SRFBP1: variants seen among roughly 807,000 people sequenced by gnomAD.
The protein encoded by SRFBP1 is serum response factor-binding protein 1.
Under a neutral mutation model 45.5 loss-of-function variants are expected in SRFBP1, and 47 were observed. The ratio of observed to expected loss-of-function variants is 1.03; its 90% CI spans 0.82 to 1.32. The LOEUF (loss-of-function observed/expected upper bound fraction) is 1.32. Among genes scored for constraint, SRFBP1 ranks in the 40% most tolerant of loss-of-function variants. The pLI is 0.00. For missense variants in SRFBP1, 621 were observed against 484.6 expected (o/e 1.28, Z -2.64); for synonymous variants, 203 against 166.3 (o/e 1.22, Z -1.70).
chr5:122,060,434 A>G (rs929096500), intron 2 of SRFBP1, among the ~76,000 whole-genome samples: 2 of 152,056 alleles, frequency 1.3e-5, no homozygotes, highest in Non-Finnish European at 2.9e-5. Flanking sequence ...CACATAAGCC[A>G]AAATGCAGTC....
intron 1 of SRFBP1, among the ~76,000 whole-genome samples, chr5:121,971,626 G>T (rs1208055846): frequency 6.6e-6 from 1 of 151,916 alleles, no homozygotes; most frequent in Admixed American, 6.6e-5. Flanking sequence ...TTGTTTAGGT[G>T]GCAAATTAAA....
chr5:121,993,482 A>G (rs1179295158), intron 3 of SRFBP1, among the ~76,000 whole-genome samples: 1 of 152,122 alleles, frequency 6.6e-6, no homozygotes, highest in African/African-American at 2.4e-5. Context: ...GATTTTTTGA[A>G]TTTATCATAG....
intron 4 of SRFBP1, among the ~76,000 whole-genome samples, chr5:122,015,470 C>T (rs1753177002): frequency 6.6e-6 from 1 of 152,152 alleles, no homozygotes; most frequent in African/African-American, 2.4e-5. Context: ...TAATTTAGAG[C>T]AGGCATCACG....
chr5:122,042,405 T>C (rs2112731595), intron 2 of SRFBP1, among the ~76,000 whole-genome samples: 1 of 152,238 alleles, frequency 6.6e-6, no homozygotes, highest in East Asian at 1.9e-4. Context: ...TAGCTGTGAC[T>C]ACAGATACAT....
rs183486861 is a variant in SRFBP1 at position 122,036,594 on chromosome 5, C to T, written n.311+14187C>T. ...CTCTGGGAGGCTAGAGATGGAGTAG[C>T]TGAGTTCAGTCCTGTAAGTGATTTA... On this transcript the variant is annotated intron_variant and non_coding_transcript_variant, in intron 2 of 2. Transcript: ENST00000504881. Among the ~76,000 whole-genome samples the T allele has an allele frequency of 2.9e-3, 447 of 152,274 alleles. 2 individuals carry two copies. The highest frequency in any genetic ancestry group is 0.01 in the African/African-American group (421 of 41,562).
downstream of SRFBP1, chr5:122,076,958 G>A: frequency 6.2e-7 from 1 of 1,613,862 alleles, no homozygotes; most frequent in Non-Finnish European, 8.5e-7. Context: ...GCACGTACGT[G>A]GACGCCTGGA....
intron 3 of SRFBP1, among the ~76,000 whole-genome samples, chr5:121,979,814 C>T (rs1311960592): frequency 6.6e-6 from 1 of 152,090 alleles, no homozygotes; most frequent in Non-Finnish European, 1.5e-5. Context: ...TATCAGAGAG[C>T]GTTTACATTT....
chr5:122,001,391 T>C (rs1752864651), intron 4 of SRFBP1, among the ~76,000 whole-genome samples: 1 of 148,918 alleles, frequency 6.7e-6, no homozygotes, highest in South Asian at 2.1e-4. Flanking sequence ...TATTTTTATT[T>C]TTTATTTTTT....
At chr5:122,049,307 A>G (rs964695993) in intron 2 of SRFBP1, among the ~76,000 whole-genome samples, 3 of 152,198 alleles carry the variant, frequency 2.0e-5, no homozygotes, top group Admixed American at 1.3e-4. Flanking sequence ...AAAGGGATCA[A>G]TTCAACAAGA....
chr5:122,052,708 A>T (rs368463066), intron 2 of SRFBP1, among the ~76,000 whole-genome samples: 1 of 152,146 alleles, frequency 6.6e-6, no homozygotes, highest in Non-Finnish European at 1.5e-5. Context: ...CTCAACCTCA[A>T]TGATCTTCAT....
chr5:122,039,252 T>C (rs1411226467), intron 2 of SRFBP1, among the ~76,000 whole-genome samples: 1 of 152,164 alleles, frequency 6.6e-6, no homozygotes. Context: ...ACCTGGTGTT[T>C]AAGAAGGTAT....
chr5:122,074,912 C>T (rs867377885), intron 2 of SRFBP1, among the ~76,000 whole-genome samples: 1 of 152,116 alleles, frequency 6.6e-6, no homozygotes, highest in East Asian at 1.9e-4. Context: ...ATGCAAAAAT[C>T]CTTAAATTTA....
At chr5:121,991,702 T>C (rs1330861783) in intron 3 of SRFBP1, among the ~76,000 whole-genome samples, 2 of 152,186 alleles carry the variant, frequency 1.3e-5, no homozygotes, top group Non-Finnish European at 2.9e-5. Context: ...AGTTTCTCAT[T>C]GTTTACTTAA....
chr5:122,064,478 T>G (rs1215314508), intron 2 of SRFBP1: 1 of 151,664 alleles, frequency 6.6e-6, no homozygotes, highest in Non-Finnish European at 1.5e-5. Context: ...AACCAAATAG[T>G]AGGTGTTATA....
intron 4 of SRFBP1, among the ~76,000 whole-genome samples, chr5:122,007,180 G>A (rs1012669983): frequency 6.6e-6 from 1 of 152,034 alleles, no homozygotes; most frequent in African/African-American, 2.4e-5. Context: ...ATATGGGCTG[G>A]CCTGGCATCT....
chr5:122,016,472 G>A (rs1753195794), intron 4 of SRFBP1, among the ~76,000 whole-genome samples: 1 of 152,120 alleles, frequency 6.6e-6, no homozygotes, highest in African/African-American at 2.4e-5. Context: ...ATTGTGATCT[G>A]TGCGTCTTTT....
At chr5:121,975,168 G>C in intron 2 of SRFBP1, 147 bp from the exon 3 acceptor site, 1 of 782,978 alleles carries the variant, frequency 1.3e-6, no homozygotes, top group Non-Finnish European at 2.0e-6. Flanking sequence ...TTGGGAGTGG[G>C]GGAAATGGAC....
At chr5:122,029,357 G>A (rs1313850597), downstream of SRFBP1, among the ~76,000 whole-genome samples, 1 of 152,124 alleles carries the variant, frequency 6.6e-6, no homozygotes, top group Non-Finnish European at 1.5e-5. Context: ...TGGCTGGTCA[G>A]AACACAAACT....
At chr5:122,042,937 A>G (rs569324712) in intron 2 of SRFBP1, among the ~76,000 whole-genome samples, 1 of 152,180 alleles carries the variant, frequency 6.6e-6, no homozygotes, top group South Asian at 2.1e-4. Context: ...CACCACTCTT[A>G]TCTTGCATGC....
Sources: allele counts gnomAD v4.1 joint callset (sites outside exome capture counted in the v4.1 genomes callset), GRCh38; gene constraint gnomAD v4.1.1; transcripts MANE v1.5; gene names NCBI Gene and HGNC (gene_info 2026-07-23, HGNC 2026-07-21).